The following DSCAM variants were observed in gnomAD, a reference collection of about 807,000 sequenced individuals.
DSCAM encodes the protein DS cell adhesion molecule, also known as cell adhesion molecule DSCAM.
A neutral mutation model predicts 217.7 loss-of-function variants in DSCAM; 47 were observed. The observed-to-expected ratio is 0.22, with a 90% CI of 0.17 to 0.28. The LOEUF (loss-of-function observed/expected upper bound fraction) is 0.28. Ranked by LOEUF, DSCAM falls within the 10% of genes least tolerant of loss-of-function variation. The probability of loss-of-function intolerance (pLI) is 1.00; values close to 1 mark genes in which losing one functional copy is unlikely to be tolerated. For synonymous variants in DSCAM, 1,056 were observed against 1,015.3 expected (o/e 1.04, Z -0.76); for missense variants, 2,080 against 2,618.3 (o/e 0.79, Z 4.49).
At chr21:40,325,118 A>T (rs1346359595) in intron 8 of DSCAM, among the ~76,000 whole-genome samples, 1 of 152,164 alleles carries the variant, frequency 6.6e-6, no homozygotes, top group Non-Finnish European at 1.5e-5. Context: ...AGCTCTTTAG[A>T]AGCTTGGTTA....
chr21:40,378,586 T>C (rs2074988564), intron 3 of DSCAM, among the ~76,000 whole-genome samples: 2 of 22,828 alleles, frequency 8.8e-5, no homozygotes, highest in South Asian at 2.4e-3. Context: ...TTTTTTTTTT[T>C]TTTTTTTTTT....
chr21:40,025,514 G>C (rs2088361920), intron 32 of DSCAM, among the ~76,000 whole-genome samples: 1 of 149,624 alleles, frequency 6.7e-6, no homozygotes, highest in African/African-American at 2.5e-5. Context: ...ACTCTTTTTG[G>C]TTGGTAAGCT....
intron 11 of DSCAM, among the ~76,000 whole-genome samples, chr21:40,257,497 C>CACACACACACACACAA (rs975639777): frequency 6.6e-6 from 1 of 151,594 alleles, no homozygotes; most frequent in Non-Finnish European, 1.5e-5. Context: ...CACACACACA[C>CACACACACACACACAA]AATGGCAAAC....
chr21:40,666,232 A>G (rs2090197718), intron 3 of DSCAM, among the ~76,000 whole-genome samples: 1 of 152,200 alleles, frequency 6.6e-6, no homozygotes, highest in Admixed American at 6.5e-5. Context: ...AAATATGAGG[A>G]GGATGATGAT....
intron 32 of DSCAM, among the ~76,000 whole-genome samples, chr21:40,020,544 AGAGG>A (rs1056129129): frequency 6.6e-6 from 1 of 150,910 alleles, no homozygotes; most frequent in African/African-American, 2.4e-5. Context: ...AGAGAGAGAG[AGAGG>A]AGAGAGATAT....
chr21:40,227,153 G>A (rs1302231552), intron 11 of DSCAM, among the ~76,000 whole-genome samples: 1 of 151,942 alleles, frequency 6.6e-6, no homozygotes, highest in African/African-American at 2.4e-5. Flanking sequence ...TTAGGCTCTA[G>A]GAGGAAAAAA....
intron 30 of DSCAM, among the ~76,000 whole-genome samples, chr21:40,047,163 G>C (rs2088855466): frequency 6.6e-6 from 1 of 152,084 alleles, no homozygotes; most frequent in South Asian, 2.1e-4. Context: ...TCAGTATGTA[G>C]AATACTGGGG....
At position 40,338,119 on chromosome 21, in the gene DSCAM, C is replaced by T. The variant is rs200358160; in HGVS notation, c.1765G>A (p.Val589Ile). 26 of 1,614,094 alleles carry T rather than the reference C, an allele frequency of 1.6e-5. No individual in the cohort carries two copies. Among genetic ancestry groups the T allele is most frequent in the South Asian group, 3.3e-5 (3 of 91,086 alleles). ...VQPQLSTSQSVHVTVKVPPFI... is the reference protein window; with the variant it reads ...VQPQLSTSQSIHVTVKVPPFI... ...GGCTTACCTTTCACGGTCACGTGGA[C>T]GCTCTGGCTGGTGGAGAGTTGTGGT... Residue 589 changes from valine (V) to isoleucine (I), a missense_variant, in exon 8 of 33, where the codon GTC (valine) becomes ATC (isoleucine). Physicochemically the swap from Val to Ile is conservative, Grantham distance 29. This residue lies in a region of DSCAM where 218 missense variants were observed against 364.1 expected (regional missense o/e 0.60). Transcript: ENST00000400454.
At chr21:40,693,524 T>G (rs1398700672) in intron 2 of DSCAM, among the ~76,000 whole-genome samples, 1 of 152,266 alleles carries the variant, frequency 6.6e-6, no homozygotes, top group East Asian at 1.9e-4. Context: ...GAAAGAAAAG[T>G]TACTGGCTCT....
At chr21:40,457,270 G>A (rs911271820) in intron 3 of DSCAM, among the ~76,000 whole-genome samples, 5 of 152,170 alleles carry the variant, frequency 3.3e-5, no homozygotes, top group East Asian at 1.9e-4. Context: ...TCAGCACTTC[G>A]GAAAGCCAAG....
Position 40,844,100 on chromosome 21 carries a change from C to T in DSCAM, c.43+2519G>A, listed in dbSNP as rs73364311. Among the ~76,000 whole-genome samples the T allele has an allele frequency of 7.2e-3, 1,095 of 152,136 alleles. 12 individuals are homozygous for T. The highest frequency in any genetic ancestry group is 0.025 in the African/African-American group (1,051 of 41,520). On this transcript the variant is annotated intron_variant, in intron 1 of 32. Coordinates refer to ENST00000400454, the MANE Select transcript of DSCAM (RefSeq NM_001389.5). ...GAAATTTTTCAAAGTTGAGGTATAACAAAATATGACAGTTGTTGACAAAAA... is the reference window on the plus strand; with the variant it reads ...GAAATTTTTCAAAGTTGAGGTATAATAAAATATGACAGTTGTTGACAAAAA...
chr21:40,371,619 C>A (rs1208852504), intron 3 of DSCAM, among the ~76,000 whole-genome samples: 1 of 152,168 alleles, frequency 6.6e-6, no homozygotes, highest in Non-Finnish European at 1.5e-5. Context: ...GCTCTATTCT[C>A]TAGGAACATT....
chr21:40,250,879 A>C (rs1328618102), intron 11 of DSCAM, among the ~76,000 whole-genome samples: 1 of 152,202 alleles, frequency 6.6e-6, no homozygotes, highest in Non-Finnish European at 1.5e-5. Flanking sequence ...CTGGGTGCAC[A>C]TGTTACCTGC....
At chr21:40,452,890 T>G (rs1250563114) in intron 3 of DSCAM, among the ~76,000 whole-genome samples, 1 of 152,164 alleles carries the variant, frequency 6.6e-6, no homozygotes, top group Non-Finnish European at 1.5e-5. Flanking sequence ...ATCAGTAGTT[T>G]ATGCTTCAGT....
intron 20 of DSCAM, among the ~76,000 whole-genome samples, chr21:40,103,941 A>T (rs528439219): frequency 6.6e-6 from 1 of 152,104 alleles, no homozygotes; most frequent in Non-Finnish European, 1.5e-5. Flanking sequence ...GGCCTTCCAA[A>T]TATAAAAGTT....
At chr21:40,800,421 G>A (rs1260138144) in intron 1 of DSCAM, among the ~76,000 whole-genome samples, 1 of 152,102 alleles carries the variant, frequency 6.6e-6, no homozygotes, top group Non-Finnish European at 1.5e-5. Context: ...ATTCTGGTGA[G>A]GGCTTAGAAG....
intron 1 of DSCAM, among the ~76,000 whole-genome samples, chr21:40,745,253 C>T (rs1323487827): frequency 6.6e-6 from 1 of 152,036 alleles, no homozygotes; most frequent in African/African-American, 2.4e-5. Flanking sequence ...GAAATAATCG[C>T]TAAGATATTC....
intron 21 of DSCAM, among the ~76,000 whole-genome samples, chr21:40,092,905 C>G (rs1349418863): frequency 6.6e-6 from 1 of 152,152 alleles, no homozygotes; most frequent in East Asian, 1.9e-4. Flanking sequence ...CTGCCTATTT[C>G]TTAACTATCT....
intron 3 of DSCAM, among the ~76,000 whole-genome samples, chr21:40,565,824 C>T (rs189441972): frequency 6.6e-6 from 1 of 152,266 alleles, no homozygotes; most frequent in African/African-American, 2.4e-5. Flanking sequence ...TGTCTGCCTC[C>T]AAAACTTCAG....
Sources: gnomAD v4.1 joint callset for allele counts (sites outside exome capture counted in the v4.1 genomes callset) on GRCh38, gnomAD v4.1.1 for gene constraint, gnomAD v4.1.1 regional missense constraint, MANE v1.5 for transcripts, NCBI Gene and HGNC (gene_info 2026-07-23, HGNC 2026-07-21) for gene names.